PLAC1: variants seen among roughly 807,000 people sequenced by gnomAD.
The protein encoded by PLAC1 is placenta-specific protein 1.
For synonymous variants in PLAC1, 68 were observed against 62.1 expected, an observed-to-expected ratio of 1.09 and a Z score of -0.44; for missense variants, 136 against 163.2, an observed-to-expected ratio of 0.83 and a Z score of 0.91.
intron 2 of PLAC1, among the ~76,000 whole-genome samples, chrX:134,676,445 C>T (rs180815930): frequency 2.7e-5 from 3 of 112,157 alleles, no homozygotes; most frequent in Non-Finnish European, 5.6e-5. Flanking sequence ...CGTGGCTTTG[C>T]TAACTGTCTC....
At chrX:134,618,982 C>G (rs2124405781) in intron 1 of PLAC1, among the ~76,000 whole-genome samples, 1 of 112,146 alleles carries the variant, frequency 8.9e-6, no homozygotes, top group African/African-American at 3.2e-5. Context: ...TGGTTAATAC[C>G]CTGCAAATAC....
At chrX:134,648,065 C>T (rs1320607542) in intron 1 of PLAC1, among the ~76,000 whole-genome samples, 1 of 111,633 alleles carries the variant, frequency 9.0e-6, no homozygotes, top group African/African-American at 3.3e-5. Flanking sequence ...CCCTCACCCC[C>T]AGCACCCTGC....
intron 1 of PLAC1, among the ~76,000 whole-genome samples, chrX:134,761,436 C>T (rs781220919): frequency 8.9e-6 from 1 of 112,002 alleles, no homozygotes; most frequent in South Asian, 3.7e-4. Flanking sequence ...GGCCAGGGTT[C>T]GGGATCGGGG....
chrX:134,754,756 TTC>T (rs1281771842), intron 1 of PLAC1, among the ~76,000 whole-genome samples: 1 of 56,743 alleles, frequency 1.8e-5, no homozygotes, highest in Admixed American at 2.7e-4. Flanking sequence ...ACATTTATTG[TTC>T]TTTTTTTTTT....
intron 1 of PLAC1, among the ~76,000 whole-genome samples, chrX:134,623,284 A>G (rs2078219939): frequency 8.9e-6 from 1 of 112,297 alleles, no homozygotes; most frequent in South Asian, 3.7e-4. Flanking sequence ...TTGTTCTCAC[A>G]AAAGTTGTCC....
chrX:134,630,592 C>T (rs1013344434), intron 1 of PLAC1, among the ~76,000 whole-genome samples: 3 of 111,523 alleles, frequency 2.7e-5, no homozygotes, highest in South Asian at 3.8e-4. Flanking sequence ...GATTTAAGGG[C>T]GGGCAAGATG....
At chrX:134,618,866 T>C (rs982255880) in intron 1 of PLAC1, among the ~76,000 whole-genome samples, 8 of 112,558 alleles carry the variant, frequency 7.1e-5, no homozygotes, top group Non-Finnish European at 1.5e-4. Context: ...ATGTCTGCCT[T>C]ATAGGCTGTA....
At chrX:134,624,686 G>A (rs2078226677) in intron 1 of PLAC1, among the ~76,000 whole-genome samples, 1 of 111,590 alleles carries the variant, frequency 9.0e-6, no homozygotes, top group Admixed American at 9.5e-5. Flanking sequence ...CTTTGTATGT[G>A]GTTAAAACTG....
chrX:134,585,372 G>T (rs2077995435), intron 2 of PLAC1, among the ~76,000 whole-genome samples: 1 of 109,092 alleles, frequency 9.2e-6, no homozygotes. Flanking sequence ...TTTAAAAAGA[G>T]AACCATTAAG....
intron 2 of PLAC1, among the ~76,000 whole-genome samples, chrX:134,689,525 C>T (rs1200417389): frequency 8.9e-6 from 1 of 111,807 alleles, no homozygotes. Flanking sequence ...CCCAACTTCT[C>T]TAGCACCCAC....
chrX:134,759,816 A>C (rs1479026130), intron 1 of PLAC1, among the ~76,000 whole-genome samples: 1 of 112,363 alleles, frequency 8.9e-6, no homozygotes. Context: ...AGCTAGGCAC[A>C]AAAAGACAAA....
chrX:134,662,716 GCCC>G (rs1279806757), upstream of PLAC1, among the ~76,000 whole-genome samples: 1 of 112,201 alleles, frequency 8.9e-6, no homozygotes, highest in Non-Finnish European at 1.9e-5. Context: ...GATTGCTCGA[GCCC>G]AGGAGTTCGA....
chrX:134,686,827 T>G (rs919404502), intron 2 of PLAC1, among the ~76,000 whole-genome samples: 2 of 111,206 alleles, frequency 1.8e-5, no homozygotes, highest in Non-Finnish European at 3.8e-5. Context: ...TCTCTTGTCC[T>G]GTTTCTTCTT....
chrX:134,729,980 G>A lies in PLAC1; in HGVS notation n.174+3455C>T, dbSNP rs142655128. Among the ~76,000 whole-genome samples the A allele has an allele frequency of 7.4e-3, 818 of 110,236 alleles. 8 individuals are homozygous for A. The highest frequency in any genetic ancestry group is 0.025 in the African/African-American group (767 of 30,230). ...CTAACTTTGTATTTTTAGTAGAGAC[G>A]GGGTTTCACCATGTTGGCCAGGCTG... On this transcript the variant is annotated intron_variant and non_coding_transcript_variant, in intron 2 of 2. Transcript: ENST00000466797.
In PLAC1 at chrX:134,654,586, C is replaced by G. The variant is rs995550412; in HGVS notation, c.-131+3742G>C. 3.6e-5 allele frequency among the ~76,000 whole-genome samples: 4 copies of G among 112,095 alleles called. No homozygotes were observed. The East Asian group carries it at 1.1e-3, about 32-fold the overall frequency. Reference sequence around the variant, plus strand: ...CTGTGGGGTTCAGATGAGAAGAGTCCTAGCCCAGGCCCCTCATGCACTTGC... The same window carrying G: ...CTGTGGGGTTCAGATGAGAAGAGTCGTAGCCCAGGCCCCTCATGCACTTGC... On this transcript the variant is annotated intron_variant, in intron 1 of 2. Transcript: ENST00000359237.
At chrX:134,737,411 A>G (rs1169432494) in intron 1 of PLAC1, among the ~76,000 whole-genome samples, 1 of 112,410 alleles carries the variant, frequency 8.9e-6, no homozygotes, top group African/African-American at 3.2e-5. Flanking sequence ...CATAATCCCA[A>G]GCCAATCCGG....
chrX:134,605,045 A>G (rs779319758), intron 1 of PLAC1, among the ~76,000 whole-genome samples: 1 of 110,652 alleles, frequency 9.0e-6, no homozygotes, highest in East Asian at 2.8e-4. Flanking sequence ...GTTTTTTAAA[A>G]CCTACTTGGA....
At chrX:134,625,811 C>A (rs2078234286) in intron 1 of PLAC1, among the ~76,000 whole-genome samples, 1 of 110,472 alleles carries the variant, frequency 9.1e-6, no homozygotes, top group Non-Finnish European at 1.9e-5. Context: ...GTGTCCCCTG[C>A]AGAAAGAAAG....
intron 2 of PLAC1, among the ~76,000 whole-genome samples, chrX:134,702,614 G>A (rs1044941083): frequency 1.8e-5 from 2 of 111,743 alleles, no homozygotes; most frequent in African/African-American, 6.5e-5. Flanking sequence ...GAGTGAGAGA[G>A]GGGGGCAAGG....
Sources: allele counts gnomAD v4.1 joint callset (sites outside exome capture counted in the v4.1 genomes callset), GRCh38; gene constraint gnomAD v4.1.1; transcripts MANE v1.5; gene names NCBI Gene and HGNC (gene_info 2026-07-23, HGNC 2026-07-21).